Variants in SORCS2 observed in about 807,000 individuals in gnomAD.
SORCS2 encodes the protein sortilin related VPS10 domain containing receptor 2, also known as VPS10 domain-containing receptor SorCS2.
SORCS2 carries 100 observed loss-of-function variants against 141.6 expected under a neutral mutation model. That is an observed-to-expected ratio of 0.71 (90% CI 0.60 to 0.83). SORCS2 has a LOEUF of 0.83. Among genes scored for constraint, SORCS2 ranks in the 40% least tolerant of loss-of-function variants. The pLI is 0.00. For missense variants in SORCS2, 1,646 were observed against 1,560.2 expected (o/e 1.05, Z -0.93); for synonymous variants, 789 against 676.9 (o/e 1.17, Z -2.57).
At chr4:7,443,963 C>A (rs1487680576) in intron 2 of SORCS2, among the ~76,000 whole-genome samples, 1 of 152,228 alleles carries the variant, frequency 6.6e-6, no homozygotes, top group African/African-American at 2.4e-5. Flanking sequence ...GTCCACCTGA[C>A]CCCAAAAGCT....
intron 1 of SORCS2, among the ~76,000 whole-genome samples, chr4:7,323,943 G>A (rs1177879852): frequency 5.3e-5 from 8 of 152,178 alleles, no homozygotes; most frequent in Non-Finnish European, 1.0e-4. Context: ...AGGGGACGGG[G>A]ACTAACATTT....
At chr4:7,514,907 A>C (rs981871922) in intron 2 of SORCS2, among the ~76,000 whole-genome samples, 2 of 152,144 alleles carry the variant, frequency 1.3e-5, no homozygotes, top group African/African-American at 4.8e-5. Context: ...GGCCCTGGTA[A>C]GCAAAGCTAC....
At chr4:7,705,849 A>T (rs2109020789) in intron 14 of SORCS2, among the ~76,000 whole-genome samples, 1 of 152,304 alleles carries the variant, frequency 6.6e-6, no homozygotes, top group East Asian at 1.9e-4. Flanking sequence ...CCCAGCCTCT[A>T]TCTCCCTCCA....
intron 2 of SORCS2, among the ~76,000 whole-genome samples, chr4:7,468,927 C>T (rs914521774): frequency 6.6e-6 from 1 of 152,182 alleles, no homozygotes; most frequent in East Asian, 1.9e-4. Context: ...TGACCTTGGA[C>T]AAGTCACTTA....
chr4:7,690,221 GGATGGAT>G (rs1166978883), intron 11 of SORCS2, among the ~76,000 whole-genome samples: 23 of 150,788 alleles, frequency 1.5e-4, no homozygotes, highest in Middle Eastern at 3.5e-3. Flanking sequence ...ATGAGTGGGT[GGATGGAT>G]GATGGATGAT....
chr4:7,527,358 C>T (rs75205470), intron 2 of SORCS2, among the ~76,000 whole-genome samples: 1 of 152,200 alleles, frequency 6.6e-6, no homozygotes, highest in South Asian at 2.1e-4. Context: ...CCTCGTGGGG[C>T]CTTTGTAATC....
chr4:7,595,240 C>T (rs1175774737), intron 3 of SORCS2, among the ~76,000 whole-genome samples: 3 of 152,196 alleles, frequency 2.0e-5, no homozygotes, highest in Admixed American at 1.3e-4. Flanking sequence ...AGGCACGAGG[C>T]AGGGCATGGG....
At chr4:7,554,532 C>T (rs1161430306) in intron 3 of SORCS2, among the ~76,000 whole-genome samples, 1 of 151,930 alleles carries the variant, frequency 6.6e-6, no homozygotes, top group Admixed American at 6.6e-5. Context: ...GACAGCCCAC[C>T]ATTAGGATAT....
At chr4:7,542,946 C>T (rs903443362) in intron 3 of SORCS2, among the ~76,000 whole-genome samples, 12 of 152,220 alleles carry the variant, frequency 7.9e-5, no homozygotes, top group Admixed American at 3.3e-4. Context: ...AGACACTCAC[C>T]GGCCCAGTGA....
chr4:7,277,802 A>G (rs1377877722), intron 1 of SORCS2, among the ~76,000 whole-genome samples: 1 of 152,162 alleles, frequency 6.6e-6, no homozygotes, highest in Non-Finnish European at 1.5e-5. Context: ...GGGTGCAGAC[A>G]TTCATCCGCC....
intron 3 of SORCS2, among the ~76,000 whole-genome samples, chr4:7,622,193 G>A (rs537274725): frequency 9.4e-4 from 143 of 152,224 alleles, no homozygotes; most frequent in African/African-American, 3.3e-3. Context: ...CCTGTAGCTC[G>A]GGTGGGAGGA....
At chr4:7,558,033 C>T (rs1714262649) in intron 3 of SORCS2, among the ~76,000 whole-genome samples, 1 of 152,154 alleles carries the variant, frequency 6.6e-6, no homozygotes, top group Non-Finnish European at 1.5e-5. Flanking sequence ...CTGAGGTTTC[C>T]TACAACACTA....
chr4:7,365,673 C>A lies in SORCS2; in HGVS notation c.481-30615C>A, dbSNP rs564441805. Among the ~76,000 whole-genome samples the A allele has an allele frequency of 2.6e-4, 39 of 152,312 alleles. 1 individual carries two copies. In the South Asian group the frequency reaches 4.1e-3, roughly 16 times the overall value. ...CAGCTGCTGACACTCAGGGTTGGTGCAGACAATGGGCACCCCGGCGTGCAG... is the reference window on the plus strand; with the variant it reads ...CAGCTGCTGACACTCAGGGTTGGTGAAGACAATGGGCACCCCGGCGTGCAG... On this transcript the variant is annotated intron_variant, in intron 1 of 26. Transcript: ENST00000507866.
chr4:7,655,136 A>G (rs748812516), intron 5 of SORCS2, among the ~76,000 whole-genome samples: 4 of 151,912 alleles, frequency 2.6e-5, no homozygotes, highest in Non-Finnish European at 4.4e-5. Context: ...TTCTGGTCAC[A>G]CTGCCTTTCA....
At chr4:7,481,925 G>A (rs1031554749) in intron 2 of SORCS2, among the ~76,000 whole-genome samples, 4 of 103,784 alleles carry the variant, frequency 3.9e-5, no homozygotes, top group Admixed American at 1.0e-4. Context: ...GGACACCCCT[G>A]ACGTTGTTCA....
At chr4:7,729,083 G>T in intron 22 of SORCS2, among the ~76,000 whole-genome samples, 1 of 152,224 alleles carries the variant, frequency 6.6e-6, no homozygotes, top group East Asian at 1.9e-4. Context: ...CATGGAACGG[G>T]ACTTCCAGGA....
At chr4:7,585,063 C>T (rs1020916896) in intron 3 of SORCS2, among the ~76,000 whole-genome samples, 3 of 152,158 alleles carry the variant, frequency 2.0e-5, no homozygotes, top group Admixed American at 2.0e-4. Flanking sequence ...ATGTCAGAGT[C>T]TCAGAAATTG....
chr4:7,356,155 C>G (rs1721239233), intron 1 of SORCS2, among the ~76,000 whole-genome samples: 2 of 152,224 alleles, frequency 1.3e-5, no homozygotes, highest in Admixed American at 6.5e-5. Context: ...TCTCCTGCCC[C>G]CTGGCCCTCA....
chr4:7,373,458 T>TTATATATATATATATATA (rs1553850461), intron 1 of SORCS2, among the ~76,000 whole-genome samples: 2 of 82,826 alleles, frequency 2.4e-5, no homozygotes, highest in Non-Finnish European at 4.1e-5. Context: ...TGAGAAACTT[T>TTATATATATATATATATA]TATATATATA....
Sources: gnomAD v4.1 joint callset for allele counts (sites outside exome capture counted in the v4.1 genomes callset) on GRCh38, gnomAD v4.1.1 for gene constraint, MANE v1.5 for transcripts, NCBI Gene and HGNC (gene_info 2026-07-23, HGNC 2026-07-21) for gene names.